The following CDH18 variants were observed in gnomAD, a reference collection of about 807,000 sequenced individuals.
CDH18 encodes the protein cadherin 18.
In CDH18, 31 loss-of-function variants were observed where a neutral mutation model predicts 67.9. That is an observed-to-expected ratio of 0.46 (90% CI 0.34 to 0.62). CDH18 has a LOEUF of 0.62. Ranked by LOEUF, CDH18 falls within the 20% of genes least tolerant of loss-of-function variation. The pLI is 0.01. For missense variants in CDH18, 890 were observed against 975.5 expected (o/e 0.91, Z 1.17); for synonymous variants, 362 against 347.2 (o/e 1.04, Z -0.48).
At chr5:19,834,662 G>A (rs1027606023) in intron 3 of CDH18, among the ~76,000 whole-genome samples, 1 of 152,066 alleles carries the variant, frequency 6.6e-6, no homozygotes, top group Admixed American at 6.6e-5. Flanking sequence ...TGTGAATTTA[G>A]TGCTATAAAT....
intron 2 of CDH18, among the ~76,000 whole-genome samples, chr5:20,050,816 A>G (rs1398915278): frequency 6.6e-6 from 1 of 151,868 alleles, no homozygotes; most frequent in Admixed American, 6.6e-5. Context: ...TCTATTTTTA[A>G]CCTATGAATG....
intron 2 of CDH18, among the ~76,000 whole-genome samples, chr5:20,070,547 G>A (rs184185626): frequency 3.3e-5 from 5 of 152,198 alleles, no homozygotes; most frequent in African/African-American, 1.2e-4. Flanking sequence ...AATGAGTGCC[G>A]AAGAAATGGG....
chr5:19,902,975 A>T (rs556651874), intron 2 of CDH18, among the ~76,000 whole-genome samples: 1 of 152,224 alleles, frequency 6.6e-6, no homozygotes, highest in Non-Finnish European at 1.5e-5. Context: ...TTTTCATTAT[A>T]AAGTATTATT....
rs182356143 is a variant in CDH18, at chr5:19,668,668, A to C, written c.643+52679T>G. Among the ~76,000 whole-genome samples the C allele has an allele frequency of 1.7e-3, 255 of 152,264 alleles. 1 individual carries two copies. The highest frequency in any genetic ancestry group is 5.9e-3 in the African/African-American group (247 of 41,584). ...TGTGTGAATGAGTTTTTATTTTAGT[A>C]ATTGAAAATAGTCTTGTAATGAATG... On this transcript the variant is annotated intron_variant, in intron 5 of 12. Coordinates refer to ENST00000382275, the MANE Select transcript of CDH18 (RefSeq NM_004934.5).
chr5:20,074,948 A>T (rs1234622538), intron 2 of CDH18, among the ~76,000 whole-genome samples: 1 of 152,156 alleles, frequency 6.6e-6, no homozygotes, highest in African/African-American at 2.4e-5. Flanking sequence ...TACCTATATT[A>T]TTGTCTATGA....
intron 1 of CDH18, among the ~76,000 whole-genome samples, chr5:20,298,481 A>G (rs2149960640): frequency 6.6e-6 from 1 of 152,286 alleles, no homozygotes; most frequent in East Asian, 1.9e-4. Flanking sequence ...TGAGCAAGTT[A>G]TCTTATTCCT....
At chr5:20,245,291 G>A (rs368281875) in intron 2 of CDH18, among the ~76,000 whole-genome samples, 1 of 152,048 alleles carries the variant, frequency 6.6e-6, no homozygotes, top group Non-Finnish European at 1.5e-5. Context: ...TATCAAAAGA[G>A]GTTCTAAATC....
At chr5:20,335,440 G>C (rs1739636243) in intron 1 of CDH18, among the ~76,000 whole-genome samples, 1 of 151,920 alleles carries the variant, frequency 6.6e-6, no homozygotes, top group Non-Finnish European at 1.5e-5. Context: ...ACAGGGTCTT[G>C]CTCTGTTGCC....
At chr5:20,227,087 G>A (rs1163146430) in intron 2 of CDH18, among the ~76,000 whole-genome samples, 1 of 151,916 alleles carries the variant, frequency 6.6e-6, no homozygotes, top group East Asian at 1.9e-4. Flanking sequence ...TGCACAGTTG[G>A]TGAGACCCAA....
intron 8 of CDH18, among the ~76,000 whole-genome samples, chr5:19,552,856 T>C (rs1454054341): frequency 1.3e-5 from 2 of 152,192 alleles, no homozygotes; most frequent in South Asian, 2.1e-4. Context: ...ATATAACTTA[T>C]AAATACTGGC....
chr5:20,480,306 TAATC>T (rs1422766388), intron 1 of CDH18, among the ~76,000 whole-genome samples: 1 of 152,174 alleles, frequency 6.6e-6, no homozygotes, highest in Non-Finnish European at 1.5e-5. Flanking sequence ...AAAGATGAAT[TAATC>T]AAAAATAATG....
rs776078908 is a variant in CDH18, at chr5:19,994,853, T to TAGAGAGAGAGAG, written c.-517-2840_-517-2839insCTCTCTCTCTCT. On this transcript the variant is annotated intron_variant, in intron 2 of 14. Transcript: ENST00000507958. ...GAATATATATATATATATATATATA[T>TAGAGAGAGAGAG]ATAGAGAGAGAGAGAGAGAGAGAGA... 4.5e-3 allele frequency among the ~76,000 whole-genome samples: 242 copies of TAGAGAGAGAGAG among 53,204 alleles called. 26 individuals are homozygous for TAGAGAGAGAGAG. Among genetic ancestry groups the TAGAGAGAGAGAG allele is most frequent in the East Asian group, 0.026 (34 of 1,314 alleles). 34.9% of individuals were successfully genotyped at this position (53,204 alleles called of 152,430 possible). A position where few individuals can be genotyped will look rare whatever the true frequency, so the allele number is the denominator to read the frequency against.
rs565478663 is a variant in CDH18 at position 19,982,003 on chromosome 5, C to A, written c.-375-825G>T. On this transcript the variant is annotated intron_variant, in intron 1 of 12. Coordinates refer to ENST00000382275, the MANE Select transcript of CDH18 (RefSeq NM_004934.5). ...AGCTTTCTTCCCAAACAGATGGCAA[C>A]CTCCATGAATGAATGAATACAAAAT... Among the ~76,000 whole-genome samples, 50 of 152,188 alleles carry A rather than the reference C, an allele frequency of 3.3e-4. 1 individual carries two copies. In the South Asian group the frequency reaches 9.7e-3, roughly 30 times the overall value.
intron 1 of CDH18, among the ~76,000 whole-genome samples, chr5:20,365,729 T>G (rs1049834830): frequency 2.6e-5 from 4 of 152,216 alleles, no homozygotes; most frequent in African/African-American, 9.6e-5. Context: ...CTATAAATCA[T>G]GTAAGGATCT....
At chr5:19,873,049 C>A (rs1247846434) in intron 2 of CDH18, among the ~76,000 whole-genome samples, 1 of 152,024 alleles carries the variant, frequency 6.6e-6, no homozygotes, top group East Asian at 1.9e-4. Context: ...AAAGTAAGTA[C>A]TAATTTTTAT....
chr5:19,933,015 C>T (rs895896517), intron 2 of CDH18, among the ~76,000 whole-genome samples: 1 of 151,538 alleles, frequency 6.6e-6, no homozygotes, highest in African/African-American at 2.4e-5. Context: ...ATAATAATAC[C>T]TAATACCTTA....
chr5:20,258,399 T>G (rs1030907997), intron 1 of CDH18, among the ~76,000 whole-genome samples: 4 of 152,120 alleles, frequency 2.6e-5, no homozygotes, highest in African/African-American at 9.7e-5. Context: ...CTAACCATCT[T>G]TACTATACTT....
At chr5:20,550,655 G>A (rs1757580930) in intron 1 of CDH18, among the ~76,000 whole-genome samples, 2 of 152,250 alleles carry the variant, frequency 1.3e-5, no homozygotes, top group South Asian at 4.2e-4. Flanking sequence ...GAAACATAAG[G>A]ATAATTTGGT....
chr5:20,196,192 C>T (rs76332629), intron 2 of CDH18, among the ~76,000 whole-genome samples: 4,275 of 152,162 alleles, frequency 0.028, 215 homozygotes, highest in African/African-American at 0.098. Context: ...TGACACTCCA[C>T]CTAACAGCAG....
Sources: gnomAD v4.1 joint callset for allele counts (sites outside exome capture counted in the v4.1 genomes callset) on GRCh38, gnomAD v4.1.1 for gene constraint, MANE v1.5 for transcripts, NCBI Gene and HGNC (gene_info 2026-07-23, HGNC 2026-07-21) for gene names.